Variants in AFF3 observed in about 807,000 individuals in gnomAD.
AFF3 encodes AF4/FMR2 family member 3.
A neutral mutation model predicts 129.7 loss-of-function variants in AFF3; 32 were observed. The ratio of observed to expected loss-of-function variants is 0.25; its 90% CI spans 0.19 to 0.33. The LOEUF (loss-of-function observed/expected upper bound fraction) is 0.33, where lower values mean the gene tolerates loss of function less well. AFF3 is among the 10% of genes least tolerant of loss of function. AFF3 has a pLI of 1.00. For synonymous variants in AFF3, 644 were observed against 635.4 expected (o/e 1.01, Z -0.20); for missense variants, 1,373 against 1,592.0 (o/e 0.86, Z 2.34).
chr2:99,921,106 T>C (rs544523092), intron 7 of AFF3, among the ~76,000 whole-genome samples: 1 of 152,118 alleles, frequency 6.6e-6, no homozygotes, highest in East Asian at 1.9e-4. Context: ...CTCAGCAAAG[T>C]TTTCTCAAAA....
Position 99,578,355 on chromosome 2 carries a change from T to C in AFF3, c.2890A>G (p.Lys964Glu). Residue 964 changes from lysine to glutamate, a missense_variant, in exon 18 of 25, where the codon AAG becomes GAG. Physicochemically the swap from Lys to Glu is moderately conservative, Grantham distance 56. Transcript: ENST00000672756. Reference sequence around the variant, plus strand: ...TCATCGAAGACAAGTTTCTGCCTCTTGCAGTCCCTGTGGCCGTTGGAGCCT... The same window carrying C: ...TCATCGAAGACAAGTTTCTGCCTCTCGCAGTCCCTGTGGCCGTTGGAGCCT... The part of the protein sequence containing the change: ...SPGSNGHRDC[K>E]RQKLVFDDMP... 6.2e-7 allele frequency: 1 copy of C among 1,605,144 alleles called. No homozygotes were observed.
chr2:99,606,259 TAAA>T (rs555940489), intron 13 of AFF3, among the ~76,000 whole-genome samples: 1 of 151,864 alleles, frequency 6.6e-6, no homozygotes, highest in Non-Finnish European at 1.5e-5. Flanking sequence ...CAAGGCCCTG[TAAA>T]AAAAATATAT....
chr2:99,777,967 A>AC (rs1326597814), intron 8 of AFF3, among the ~76,000 whole-genome samples: 1 of 151,926 alleles, frequency 6.6e-6, no homozygotes, highest in Admixed American at 6.6e-5. Flanking sequence ...AAAAAAAAAA[A>AC]AAAACAAAAT....
intron 7 of AFF3, among the ~76,000 whole-genome samples, chr2:99,953,635 G>C (rs77767546): frequency 0.021 from 3,231 of 152,242 alleles, 105 homozygotes; most frequent in African/African-American, 0.072. Context: ...GCTTACCAAT[G>C]AACTAAGAAA....
intron 7 of AFF3, among the ~76,000 whole-genome samples, chr2:99,917,211 G>C (rs1292722776): frequency 6.6e-6 from 1 of 152,190 alleles, no homozygotes. Flanking sequence ...CCACCCTTTG[G>C]CCTGAAGGGC....
intron 1 of AFF3, among the ~76,000 whole-genome samples, chr2:100,138,264 A>G (rs758570652): frequency 5.9e-5 from 9 of 152,170 alleles, no homozygotes; most frequent in Non-Finnish European, 4.4e-5. Flanking sequence ...CATGTGATCT[A>G]AACAGGGGTC....
At chr2:100,075,292 C>G (rs948701566) in intron 4 of AFF3, among the ~76,000 whole-genome samples, 1 of 152,088 alleles carries the variant, frequency 6.6e-6, no homozygotes, top group African/African-American at 2.4e-5. Flanking sequence ...TAAGAAACAC[C>G]ATGATCAGTG....
chr2:100,084,331 C>T (rs1014609543), intron 4 of AFF3, among the ~76,000 whole-genome samples: 1 of 152,214 alleles, frequency 6.6e-6, no homozygotes, highest in Non-Finnish European at 1.5e-5. Flanking sequence ...TCATTTAATC[C>T]TCACATTAAT....
intron 10 of AFF3, among the ~76,000 whole-genome samples, chr2:99,730,872 A>G (rs1486771116): frequency 2.0e-5 from 3 of 152,186 alleles, no homozygotes; most frequent in African/African-American, 7.2e-5. Flanking sequence ...TGGTTTTAAA[A>G]AAATGAACAG....
chr2:99,650,340 C>T (rs1685120037), intron 12 of AFF3, among the ~76,000 whole-genome samples: 1 of 152,076 alleles, frequency 6.6e-6, no homozygotes, highest in Non-Finnish European at 1.5e-5. Context: ...AGGTGGATCA[C>T]CTGAGGTCAG....
At chr2:99,726,382 T>C (rs187085426) in intron 11 of AFF3, among the ~76,000 whole-genome samples, 7 of 152,346 alleles carry the variant, frequency 4.6e-5, no homozygotes, top group Non-Finnish European at 7.3e-5. Context: ...TCATAAGTGA[T>C]AAAAATAAAG....
intron 13 of AFF3, among the ~76,000 whole-genome samples, chr2:99,622,235 A>G (rs1057361260): frequency 1.3e-5 from 2 of 152,170 alleles, no homozygotes; most frequent in African/African-American, 4.8e-5. Context: ...TTCTGAATGC[A>G]CTGCAGAGGC....
intron 7 of AFF3, among the ~76,000 whole-genome samples, chr2:99,911,317 G>A (rs535826396): frequency 6.6e-6 from 1 of 152,114 alleles, no homozygotes; most frequent in Non-Finnish European, 1.5e-5. Context: ...GAACCCAGAA[G>A]GTGGAGGTTG....
In AFF3 at chr2:99,896,915, A is replaced by G. The variant is rs13414915; in HGVS notation, c.874-59391T>C. 7.0e-3 allele frequency among the ~76,000 whole-genome samples: 1,072 copies of G among 152,110 alleles called. 27 individuals are homozygous for G. The highest frequency in any genetic ancestry group is 0.025 in the African/African-American group (1,032 of 41,534). On this transcript the variant is annotated intron_variant, in intron 7 of 24. Transcript: ENST00000672756. ...CTCCCAAAGTGCTGGGATTACAGGCATGAGCCACCGCGCCCGGCCCTGTGC... is the reference window on the plus strand; with the variant it reads ...CTCCCAAAGTGCTGGGATTACAGGCGTGAGCCACCGCGCCCGGCCCTGTGC...
intron 8 of AFF3, among the ~76,000 whole-genome samples, chr2:99,766,351 A>G (rs767235198): frequency 2.0e-5 from 3 of 152,192 alleles, no homozygotes; most frequent in Non-Finnish European, 4.4e-5. Flanking sequence ...TATTTTTCTC[A>G]GTTTTGAGAG....
intron 7 of AFF3, among the ~76,000 whole-genome samples, chr2:99,918,430 G>A (rs1300006831): frequency 6.6e-6 from 1 of 152,086 alleles, no homozygotes; most frequent in Non-Finnish European, 1.5e-5. Flanking sequence ...CCTATTCCTA[G>A]TTCTGCAGCA....
Position 99,744,160 on chromosome 2 carries a change from CA to C in AFF3, c.1003-21del. 1 of 1,595,306 alleles carries C rather than the reference CA, an allele frequency of 6.3e-7. No homozygotes were observed. The highest frequency in any genetic ancestry group is 8.6e-7 in the Non-Finnish European group (1 of 1,169,166). ...AGAGTCCTGAAAGAACAAGAAATAT[CA>C]ATTAATTTTCTTATTTTGACTTTCA... On this transcript the variant is annotated intron_variant, in intron 9 of 24. Transcript: ENST00000672756.
chr2:99,702,679 TTTCATGTGCTTATTTGCCATCTGTATA>T (rs1676978946), intron 11 of AFF3, among the ~76,000 whole-genome samples: 1 of 152,214 alleles, frequency 6.6e-6, no homozygotes, highest in Non-Finnish European at 1.5e-5. Flanking sequence ...TTCAGTATCT[TTTCATGTGCTTATTTGCCATCTGTATA>T]TTCACTTCAA....
chr2:99,931,337 T>G (rs1035324358), intron 7 of AFF3, among the ~76,000 whole-genome samples: 1 of 152,110 alleles, frequency 6.6e-6, no homozygotes, highest in African/African-American at 2.4e-5. Flanking sequence ...GGTGCAAAAG[T>G]AACTGCAGCG....
Sources: allele counts gnomAD v4.1 joint callset (sites outside exome capture counted in the v4.1 genomes callset), GRCh38; gene constraint gnomAD v4.1.1; transcripts MANE v1.5; gene names NCBI Gene and HGNC (gene_info 2026-07-23, HGNC 2026-07-21).